The following HECTD4 variants were observed in gnomAD, a reference collection of about 807,000 sequenced individuals.
HECTD4 encodes the protein HECT domain E3 ubiquitin protein ligase 4.
Under a neutral mutation model 471.5 loss-of-function variants are expected in HECTD4, and 114 were observed. That is an observed-to-expected ratio of 0.24 (90% CI 0.21 to 0.28). The LOEUF is 0.28. HECTD4 is among the 10% of genes least tolerant of loss of function. The pLI is 1.00. For synonymous variants in HECTD4, 2,012 were observed against 2,256.0 expected, an observed-to-expected ratio of 0.89 and a Z score of 3.07; for missense variants, 3,866 against 5,651.5, an observed-to-expected ratio of 0.68 and a Z score of 10.13.
rs2137028014 is a variant in HECTD4, at chr12:112,184,634, T to C, written c.10332A>G (p.Pro3444=). ...CGTCCCCGCCCTCGGCCTTGTCTTT[T>C]GGCTTCTTGGTGTCTTCTTCCTGCA... The part of the protein sequence containing the change: ...IPLQEEDTKK[P]KDKAEGGDGK... The change falls in exon 61 of 76, where the codon CCA becomes CCG. Residue 3444 remains proline, a synonymous_variant. Coordinates refer to ENST00000682272, the MANE Select transcript of HECTD4 (RefSeq NM_001388303.1). The surrounding 1 kb of genome is among the most constrained non-coding windows in gnomAD (Gnocchi z 9.1). The C allele has an allele frequency of 6.2e-7, 1 of 1,613,936 alleles. No individual in the cohort carries two copies. The highest frequency in any genetic ancestry group is 8.5e-7 in the Non-Finnish European group (1 of 1,179,874).
rs1375372365 is a variant in HECTD4, at chr12:112,179,426, T to C, written c.10988-29A>G. 1.3e-5 allele frequency: 21 copies of C among 1,575,896 alleles called. No homozygotes were observed. The highest frequency in any genetic ancestry group is 1.6e-5 in the Non-Finnish European group (19 of 1,154,012). On this transcript the variant is annotated intron_variant, in intron 62 of 75. Transcript: ENST00000682272. The surrounding 1 kb of genome is among the most constrained non-coding windows in gnomAD (Gnocchi z 4.3). ...TTGGATGGAGAGGGGGCAAAACAAT[T>C]CTGCCGTGAACATGCATCGGGACAA... is the stretch of plus-strand genomic sequence containing the variant.
chr12:112,266,130 G>A (rs936546497), intron 14 of HECTD4, 147 bp from the exon 15 acceptor site: 15 of 601,970 alleles, frequency 2.5e-5, no homozygotes, highest in Admixed American at 2.2e-4. Context: ...TGGCAAAAAC[G>A]ACATCACAAC....
chr12:112,209,992 G>T, intron 50 of HECTD4, 23 bp downstream of exon 50: 1 of 1,579,130 alleles, frequency 6.3e-7, no homozygotes, highest in South Asian at 1.1e-5. Flanking sequence ...CATGGAGGCA[G>T]TAAGTTCCAG....
At chr12:112,204,070 C>G (rs1363697324) in intron 53 of HECTD4, among the ~76,000 whole-genome samples, 1 of 152,150 alleles carries the variant, frequency 6.6e-6, no homozygotes, top group Non-Finnish European at 1.5e-5. Context: ...TGAGACAGAG[C>G]CTTGCTCTGT....
chr12:112,293,137 G>A (rs1032963494), intron 7 of HECTD4, among the ~76,000 whole-genome samples: 8 of 152,042 alleles, frequency 5.3e-5, no homozygotes, highest in Non-Finnish European at 8.8e-5. Flanking sequence ...AGGCCGAGGC[G>A]GGTGGATCAC....
Position 112,239,148 on chromosome 12 carries a change from T to C in HECTD4, c.5194A>G (p.Ser1732Gly), listed in dbSNP as rs1249011475. 4 of 1,614,000 alleles carry C rather than the reference T, an allele frequency of 2.5e-6. No individual in the cohort carries two copies. The highest frequency in any genetic ancestry group is 2.2e-5 in the East Asian group (1 of 44,886). The stretch of plus-strand genomic sequence containing the variant: ...TTCTGCTTCTTGGTCTGTTTCTCAC[T>C]GGAGCTGGACTCGGTCTGATTGCTC... Reference protein sequence around the residue: ...SLSNQTESSSSEKQTKKQKVA... With the variant: ...SLSNQTESSSGEKQTKKQKVA... Residue 1732 changes from serine to glycine, a missense_variant, in exon 34 of 76, where the codon AGT becomes GGT. Ser to Gly is a moderately conservative substitution (Grantham distance 56). This residue lies in a region of HECTD4 where 229 missense variants were observed against 386.4 expected (regional missense o/e 0.59). Transcript: ENST00000682272. This position sits in a 1 kb window ranked among gnomAD's most constrained non-coding sequence, Gnocchi z 4.9.
intron 39 of HECTD4, 158 bp downstream of exon 39, chr12:112,231,355 G>T: frequency 1.5e-6 from 1 of 657,126 alleles, no homozygotes; most frequent in Non-Finnish European, 2.7e-6. Flanking sequence ...ACTCCCCGAC[G>T]TACTCCAGGC....
At chr12:112,226,830 A>G in intron 43 of HECTD4, 72 bp from the exon 44 acceptor site, 4 of 1,130,954 alleles carry the variant, frequency 3.5e-6, no homozygotes, top group Non-Finnish European at 5.1e-6. Context: ...ACTGTGAAAA[A>G]CATTTCAATC....
chr12:112,200,533 T>C, intron 55 of HECTD4, 105 bp downstream of exon 55: 1 of 1,253,190 alleles, frequency 8.0e-7, no homozygotes, highest in Non-Finnish European at 1.1e-6. Context: ...AGTGTTAGCT[T>C]TGAAGGAAAA....
At chr12:112,168,019 G>C in intron 70 of HECTD4, 102 bp from the exon 71 acceptor site, 2 of 927,392 alleles carry the variant, frequency 2.2e-6, no homozygotes, top group Admixed American at 1.9e-5. Flanking sequence ...CTCCTTCCAC[G>C]GCCTACCTGC....
At position 112,243,477 on chromosome 12, in the gene HECTD4, G is replaced by A. The variant is rs780528453; in HGVS notation, c.4834C>T (p.Arg1612Trp). ...GCCTGCTTGCGAGTGTTTCCCCGCCGCCACCTTGTCTGTGCAGCCAAAAGG... is the reference window on the plus strand; with the variant it reads ...GCCTGCTTGCGAGTGTTTCCCCGCCACCACCTTGTCTGTGCAGCCAAAAGG... ...SFLLAAQTRW[R>W]RGNTRKQALV... is the part of the protein sequence containing the mutation. Residue 1612 changes from arginine to tryptophan, a missense_variant, in exon 32 of 76, where the codon CGG (arginine) becomes TGG (tryptophan). This residue lies in a region of HECTD4 where 229 missense variants were observed against 386.4 expected (regional missense o/e 0.59). Coordinates refer to ENST00000682272, the MANE Select transcript of HECTD4 (RefSeq NM_001388303.1). This position sits in a 1 kb window ranked among gnomAD's most constrained non-coding sequence, Gnocchi z 6.6. 1.1e-5 allele frequency: 17 copies of A among 1,606,908 alleles called. No homozygotes were observed. Among genetic ancestry groups the A allele is most frequent in the South Asian group, 5.6e-5 (5 of 89,740 alleles).
intron 1 of HECTD4, among the ~76,000 whole-genome samples, chr12:112,375,559 A>G (rs928021923): frequency 1.3e-5 from 2 of 152,118 alleles, no homozygotes; most frequent in Non-Finnish European, 2.9e-5. Flanking sequence ...CTTGTTCCCA[A>G]CCGCAGTTTG....
chr12:112,246,944 C>T lies in HECTD4; in HGVS notation c.4470G>A (p.Ser1490=), dbSNP rs779750695. ...LLLHVTIAAQ[S]GLTRSISGTP... ...TCCCAGAGATGCTTCTCGTGAGGCC[C>T]GACTGGGCTGCGATGGTGACATGCA... Residue 1490 remains serine, a synonymous_variant, in exon 29 of 76, where the codon TCG becomes TCA. Coordinates refer to ENST00000682272, the MANE Select transcript of HECTD4 (RefSeq NM_001388303.1). The T allele has an allele frequency of 1.4e-5, 22 of 1,612,004 alleles. No individual in the cohort carries two copies. Among genetic ancestry groups the T allele is most frequent in the Middle Eastern group, 2.1e-4 (1 of 4,742 alleles).
intron 7 of HECTD4, among the ~76,000 whole-genome samples, chr12:112,298,523 T>C (rs564224259): frequency 6.7e-6 from 1 of 150,266 alleles, no homozygotes; most frequent in African/African-American, 2.4e-5. Context: ...CTCACTATGT[T>C]GCATGTTGCC....
At chr12:112,238,330 A>G (rs1385613493) in intron 34 of HECTD4, among the ~76,000 whole-genome samples, 1 of 151,990 alleles carries the variant, frequency 6.6e-6, no homozygotes, top group Non-Finnish European at 1.5e-5. Context: ...TTCCCACTTC[A>G]GCCTTCTGAG....
chr12:112,205,531 CAAAAT>C (rs969082221), intron 52 of HECTD4, among the ~76,000 whole-genome samples: 3 of 152,128 alleles, frequency 2.0e-5, no homozygotes. Context: ...TTCGTTAACT[CAAAAT>C]AACAAATTAC....
At chr12:112,314,332 G>A (rs563427329) in intron 3 of HECTD4, 125 bp downstream of exon 3, 17 of 569,956 alleles carry the variant, frequency 3.0e-5, no homozygotes, top group South Asian at 7.5e-5. Flanking sequence ...GTAAATATGA[G>A]TCTATACTTA....
intron 54 of HECTD4, 54 bp from the exon 55 acceptor site, chr12:112,200,852 T>G: frequency 1.3e-6 from 2 of 1,545,964 alleles, no homozygotes; most frequent in Non-Finnish European, 1.8e-6. Context: ...GTTTTCCATG[T>G]GTGCGTGCGT....
At chr12:112,245,280 G>T (rs1454890677) in intron 29 of HECTD4, among the ~76,000 whole-genome samples, 2 of 152,174 alleles carry the variant, frequency 1.3e-5, no homozygotes, top group African/African-American at 2.4e-5. Flanking sequence ...TGGAATTACA[G>T]GCATGAGCCA....
Sources: gnomAD v4.1 joint callset for allele counts (sites outside exome capture counted in the v4.1 genomes callset) on GRCh38, gnomAD v4.1.1 for gene constraint, gnomAD v4.1.1 regional missense constraint, Gnocchi (gnomAD v3.1) non-coding constraint, MANE v1.5 for transcripts, NCBI Gene and HGNC (gene_info 2026-07-23, HGNC 2026-07-21) for gene names.